Variants in PTPN14 observed in about 807,000 individuals in gnomAD.
PTPN14 encodes the protein protein tyrosine phosphatase non-receptor type 14.
In PTPN14, 53 loss-of-function variants were observed where a neutral mutation model predicts 126.8. That is an observed-to-expected ratio of 0.42 (90% CI 0.34 to 0.53). The LOEUF is 0.53. Ranked by LOEUF, PTPN14 falls within the 20% of genes least tolerant of loss-of-function variation. The pLI, the probability that PTPN14 is intolerant of heterozygous loss-of-function variation, is 0.08. For synonymous variants in PTPN14, 630 were observed against 599.3 expected (o/e 1.05, Z -0.75); for missense variants, 1,257 against 1,552.9 (o/e 0.81, Z 3.20).
At chr1:214,491,452 G>T (rs914259814) in intron 1 of PTPN14, among the ~76,000 whole-genome samples, 1 of 152,138 alleles carries the variant, frequency 6.6e-6, no homozygotes, top group African/African-American at 2.4e-5. Flanking sequence ...AGTGGGGAGC[G>T]ATGGTTTTGG....
intron 10 of PTPN14, among the ~76,000 whole-genome samples, chr1:214,392,221 T>TGAGCGAGAGAGCG (rs1199400933): frequency 3.0e-4 from 46 of 152,090 alleles, no homozygotes; most frequent in African/African-American, 1.1e-3. Flanking sequence ...AGAGAGAGTA[T>TGAGCGAGAGAGCG]AATTTTGAGA....
At chr1:214,424,936 T>C (rs1213209685) in intron 3 of PTPN14, among the ~76,000 whole-genome samples, 1 of 151,690 alleles carries the variant, frequency 6.6e-6, no homozygotes. Flanking sequence ...TTTTATGCAT[T>C]TGTAATGATA....
intron 11 of PTPN14, among the ~76,000 whole-genome samples, chr1:214,390,173 C>T (rs1250938168): frequency 6.6e-6 from 1 of 152,080 alleles, no homozygotes; most frequent in Non-Finnish European, 1.5e-5. Flanking sequence ...AGGTCATATG[C>T]TTATTTTGAT....
rs1393101828 is a variant in PTPN14, at chr1:214,364,108, A to G, written c.3435+404T>C. On this transcript the variant is annotated intron_variant, in intron 18 of 18. Transcript: ENST00000366956. This position sits in a 1 kb window ranked among gnomAD's most constrained non-coding sequence, Gnocchi z 4.1. ...TTTCCAAGTAGACACATTTTCACCT[A>G]GCATTTAGGCCAGAACACATCCTAG... Among the ~76,000 whole-genome samples, 1 of 152,196 alleles carries G rather than the reference A, an allele frequency of 6.6e-6. No individual in the cohort carries two copies. The highest frequency in any genetic ancestry group is 2.4e-5 in the African/African-American group (1 of 41,454).
chr1:214,358,106 A>C, intron 18 of PTPN14, 56 bp from the exon 19 acceptor site: 1 of 1,584,598 alleles, frequency 6.3e-7, no homozygotes, highest in Non-Finnish European at 8.6e-7. Context: ...CCCTTTGAGC[A>C]TTCCTCATTC....
chr1:214,393,910 C>G lies in PTPN14; in HGVS notation c.847-133G>C, dbSNP rs889828916. On this transcript the variant is annotated intron_variant, in intron 9 of 18. Coordinates refer to ENST00000366956, the MANE Select transcript of PTPN14 (RefSeq NM_005401.5). ...AAGCACAAAATAATACATGGGCCAGCAAGGTAAACCAGCCTGCTGAATTTC... is the reference window on the plus strand; with the variant it reads ...AAGCACAAAATAATACATGGGCCAGGAAGGTAAACCAGCCTGCTGAATTTC... The G allele has an allele frequency of 1.1e-5, 8 of 705,658 alleles. No individual in the cohort carries two copies. In the African/African-American group the frequency reaches 1.3e-4, roughly 11 times the overall value. 43.7% of individuals were successfully genotyped at this position (705,658 alleles called of 1,614,324 possible).
intron 3 of PTPN14, among the ~76,000 whole-genome samples, chr1:214,445,562 A>AC (rs1320035399): frequency 2.0e-5 from 3 of 151,176 alleles, no homozygotes; most frequent in African/African-American, 2.5e-5. Context: ...AAAAAAAAAA[A>AC]AACCACAAAA....
intron 1 of PTPN14, among the ~76,000 whole-genome samples, chr1:214,473,264 T>A (rs949390700): frequency 6.6e-6 from 1 of 152,198 alleles, no homozygotes; most frequent in Non-Finnish European, 1.5e-5. Context: ...AGAGGAGAGA[T>A]CTTTCACAAA....
intron 9 of PTPN14, 151 bp downstream of exon 9, chr1:214,394,748 T>C: frequency 1.4e-6 from 1 of 726,264 alleles, no homozygotes; most frequent in Non-Finnish European, 2.4e-6. Context: ...CTGGAATGAG[T>C]AATGACAGCA....
chr1:214,522,516 C>T (rs570797234), intron 1 of PTPN14, among the ~76,000 whole-genome samples: 1 of 152,286 alleles, frequency 6.6e-6, no homozygotes, highest in East Asian at 1.9e-4. Flanking sequence ...GCCCGCAGAA[C>T]GTAACCACTA....
intron 18 of PTPN14, among the ~76,000 whole-genome samples, chr1:214,358,769 T>A (rs1352876712): frequency 2.7e-5 from 4 of 148,748 alleles, no homozygotes; most frequent in Admixed American, 2.7e-4. Flanking sequence ...TGAGACAGAG[T>A]TTCACTCTTG....
At chr1:214,361,392 TA>T (rs2102505548) in intron 18 of PTPN14, among the ~76,000 whole-genome samples, 1 of 152,314 alleles carries the variant, frequency 6.6e-6, no homozygotes, top group African/African-American at 2.4e-5. Flanking sequence ...GGACTGAGCC[TA>T]AATGACAGTA....
intron 3 of PTPN14, among the ~76,000 whole-genome samples, chr1:214,430,887 T>C (rs978468352): frequency 2.6e-5 from 4 of 152,208 alleles, no homozygotes; most frequent in African/African-American, 7.2e-5. Flanking sequence ...CCCAAATAGA[T>C]TGAAAACCCC....
chr1:214,520,065 A>AAATATATATATATATATAT, intron 1 of PTPN14, among the ~76,000 whole-genome samples: 5 of 71,114 alleles, frequency 7.0e-5, no homozygotes, highest in South Asian at 6.5e-4. Flanking sequence ...AAAAAAAAAA[A>AAATATATATATATATATAT]ATATATATAT....
At chr1:214,458,285 G>A (rs1410516606) in intron 2 of PTPN14, among the ~76,000 whole-genome samples, 1 of 152,108 alleles carries the variant, frequency 6.6e-6, no homozygotes, top group East Asian at 1.9e-4. Context: ...CTGAGCTCAT[G>A]TGACCTTCCA....
intron 1 of PTPN14, among the ~76,000 whole-genome samples, chr1:214,535,527 C>A (rs1195933719): frequency 6.6e-6 from 1 of 152,110 alleles, no homozygotes; most frequent in African/African-American, 2.4e-5. Context: ...CCTGTAATCC[C>A]AGAACTTTGG....
intron 1 of PTPN14, among the ~76,000 whole-genome samples, chr1:214,508,758 A>G (rs912727897): frequency 3.9e-5 from 6 of 152,230 alleles, no homozygotes; most frequent in Admixed American, 1.3e-4. Context: ...GTTCTTAAAT[A>G]ATAAGACTTG....
chr1:214,525,962 C>CTT (rs34019620), intron 1 of PTPN14, among the ~76,000 whole-genome samples: 31 of 130,052 alleles, frequency 2.4e-4, no homozygotes, highest in African/African-American at 5.8e-4. Context: ...CTAAAGTCAA[C>CTT]TTTTTTTTTT....
chr1:214,384,561 T>C lies in PTPN14; in HGVS notation c.1294A>G (p.Ser432Gly). 6.2e-7 allele frequency: 1 copy of C among 1,614,160 alleles called. No homozygotes were observed. The highest frequency in any genetic ancestry group is 8.5e-7 in the Non-Finnish European group (1 of 1,180,026). The change falls in exon 13 of 19, where the codon AGC (serine) becomes GGC (glycine). Residue 432 changes from serine to glycine, a missense_variant. This residue lies in a region of PTPN14 where 1,021 missense variants were observed against 1,183.3 expected (regional missense o/e 0.86). Coordinates refer to ENST00000366956, the MANE Select transcript of PTPN14 (RefSeq NM_005401.5). The surrounding 1 kb of genome is among the most constrained non-coding windows in gnomAD (Gnocchi z 5.3). ...RADYIPSHRHSAIIVPSYRPT... is the reference protein window; with the variant it reads ...RADYIPSHRHGAIIVPSYRPT... ...CTGTACGAGGGCACGATGATCGCGC[T>C]GTGCCGGTGGCTCGGGATGTAGTCG...
Sources: allele counts gnomAD v4.1 joint callset (sites outside exome capture counted in the v4.1 genomes callset), GRCh38; gene constraint gnomAD v4.1.1; regional missense constraint gnomAD v4.1.1; non-coding constraint Gnocchi (gnomAD v3.1); transcripts MANE v1.5; gene names NCBI Gene and HGNC (gene_info 2026-07-23, HGNC 2026-07-21).